The following JAZF1 variants were observed in gnomAD, a reference collection of about 807,000 sequenced individuals.
JAZF1 encodes the protein juxtaposed with another zinc finger protein 1.
Under a neutral mutation model 26.4 loss-of-function variants are expected in JAZF1, and 8 were observed. The observed-to-expected ratio is 0.30, with a 90% confidence interval of 0.18 to 0.55. JAZF1 has a LOEUF of 0.55. Among genes scored for constraint, JAZF1 ranks in the 20% least tolerant of loss-of-function variants. The pLI is 0.94. For synonymous variants in JAZF1, 126 were observed against 122.3 expected (o/e 1.03, Z -0.20); for missense variants, 199 against 322.0 (o/e 0.62, Z 2.92).
chr7:28,083,767 CA>C (rs1482058587), intron 1 of JAZF1, among the ~76,000 whole-genome samples: 1 of 151,882 alleles, frequency 6.6e-6, no homozygotes, highest in Non-Finnish European at 1.5e-5. Context: ...TCCGCTGACC[CA>C]GCCAGTAAAA....
chr7:28,069,913 C>T (rs940362159), intron 1 of JAZF1, among the ~76,000 whole-genome samples: 2 of 152,174 alleles, frequency 1.3e-5, no homozygotes, highest in African/African-American at 4.8e-5. Flanking sequence ...GAGCTCGTTA[C>T]TCCCCTGACC....
At chr7:28,074,384 C>A (rs1382124304) in intron 1 of JAZF1, among the ~76,000 whole-genome samples, 1 of 152,078 alleles carries the variant, frequency 6.6e-6, no homozygotes, top group African/African-American at 2.4e-5. Context: ...AAAAAGCCAA[C>A]AGGAAAGCAG....
intron 2 of JAZF1, among the ~76,000 whole-genome samples, chr7:27,904,005 A>T (rs1267047251): frequency 6.6e-6 from 1 of 152,210 alleles, no homozygotes; most frequent in Non-Finnish European, 1.5e-5. Context: ...AAATCTGGTA[A>T]TTCATTGCTC....
chr7:28,081,985 G>T (rs1784144431), intron 1 of JAZF1, among the ~76,000 whole-genome samples: 1 of 151,934 alleles, frequency 6.6e-6, no homozygotes, highest in Non-Finnish European at 1.5e-5. Flanking sequence ...AATATTAAGG[G>T]GCTAAATAAG....
intron 2 of JAZF1, among the ~76,000 whole-genome samples, chr7:27,964,842 C>G (rs1279525659): frequency 8.6e-5 from 13 of 151,944 alleles, no homozygotes; most frequent in Admixed American, 8.5e-4. Flanking sequence ...CTAAAATGGT[C>G]AAACTAATCT....
At chr7:28,126,700 G>A (rs1219138309) in intron 1 of JAZF1, among the ~76,000 whole-genome samples, 2 of 152,190 alleles carry the variant, frequency 1.3e-5, no homozygotes, top group African/African-American at 4.8e-5. Flanking sequence ...ACCTTACGGT[G>A]TTTCAGGGAC....
At chr7:27,931,472 T>G (rs1784687463) in intron 2 of JAZF1, among the ~76,000 whole-genome samples, 1 of 152,186 alleles carries the variant, frequency 6.6e-6, no homozygotes, top group South Asian at 2.1e-4. Flanking sequence ...ATGTGGGAAT[T>G]TGGGATACCT....
rs117767296 is a variant in JAZF1 at position 28,014,632 on chromosome 7, G to A, written c.116-22651C>T. ...ATGATTGTGAGACTTCCCCAGTCAC[G>A]TGAAACTGTAAGTTCATTAAACCTC... On this transcript the variant is annotated intron_variant, in intron 1 of 4. Coordinates refer to ENST00000283928, the MANE Select transcript of JAZF1 (RefSeq NM_175061.4). Among the ~76,000 whole-genome samples the A allele has an allele frequency of 5.2e-3, 792 of 152,272 alleles. 4 individuals are homozygous for A. The highest frequency in any genetic ancestry group is 0.014 in the Middle Eastern group (4 of 294).
chr7:28,065,362 G>A (rs1426403664), intron 1 of JAZF1, among the ~76,000 whole-genome samples: 2 of 151,108 alleles, frequency 1.3e-5, no homozygotes, highest in African/African-American at 2.4e-5. Context: ...GCGAGGTGAG[G>A]GAATGGAAGA....
At chr7:27,876,646 C>T (rs373306977) in intron 3 of JAZF1, among the ~76,000 whole-genome samples, 22 of 152,298 alleles carry the variant, frequency 1.4e-4, no homozygotes, top group African/African-American at 5.3e-4. Flanking sequence ...TAATAATTAG[C>T]TTTGGCAAGC....
chr7:28,048,925 A>G (rs1432000819), intron 1 of JAZF1, among the ~76,000 whole-genome samples: 2 of 152,040 alleles, frequency 1.3e-5, no homozygotes, highest in African/African-American at 4.8e-5. Context: ...CCATGTTTCT[A>G]TTTATACGAA....
chr7:28,096,666 G>T (rs1784390984), intron 1 of JAZF1, among the ~76,000 whole-genome samples: 1 of 152,094 alleles, frequency 6.6e-6, no homozygotes, highest in South Asian at 2.1e-4. Context: ...GCCAATAAGA[G>T]ACTATTTTTT....
At chr7:27,898,523 T>G (rs1466279317) in intron 2 of JAZF1, among the ~76,000 whole-genome samples, 1 of 152,016 alleles carries the variant, frequency 6.6e-6, no homozygotes, top group Non-Finnish European at 1.5e-5. Context: ...CAGGCTGGTC[T>G]TGAACTACTG....
intron 1 of JAZF1, among the ~76,000 whole-genome samples, chr7:28,157,393 T>G (rs1317181959): frequency 6.6e-6 from 1 of 152,248 alleles, no homozygotes; most frequent in Non-Finnish European, 1.5e-5. Context: ...ACTCTGCCAT[T>G]GCAGCACAAA....
intron 3 of JAZF1, among the ~76,000 whole-genome samples, chr7:27,878,369 A>G (rs933358689): frequency 7.9e-6 from 1 of 126,422 alleles, no homozygotes; most frequent in African/African-American, 2.7e-5. Context: ...CTCAGAAAAC[A>G]TCTAACACAC....
At chr7:27,880,751 A>G (rs1233762247) in intron 3 of JAZF1, among the ~76,000 whole-genome samples, 3 of 152,138 alleles carry the variant, frequency 2.0e-5, no homozygotes, top group Admixed American at 1.3e-4. Context: ...TGCAGCCTCA[A>G]TCTCCCAGGC....
intron 3 of JAZF1, among the ~76,000 whole-genome samples, chr7:27,853,228 C>T (rs1783184021): frequency 6.6e-6 from 1 of 152,162 alleles, no homozygotes; most frequent in African/African-American, 2.4e-5. Context: ...TTCCCTCCTC[C>T]CAGAAGAATT....
intron 1 of JAZF1, among the ~76,000 whole-genome samples, chr7:28,169,233 G>C (rs755343492): frequency 6.6e-6 from 1 of 152,192 alleles, no homozygotes; most frequent in African/African-American, 2.4e-5. Flanking sequence ...TCTGTGTGAT[G>C]TTTGCATATT....
chr7:28,096,274 G>A (rs898839635), intron 1 of JAZF1, among the ~76,000 whole-genome samples: 1 of 152,158 alleles, frequency 6.6e-6, no homozygotes, highest in African/African-American at 2.4e-5. Context: ...CTGTGGTGAG[G>A]AAAAAACTAT....
Sources: allele counts gnomAD v4.1 joint callset (sites outside exome capture counted in the v4.1 genomes callset), GRCh38; gene constraint gnomAD v4.1.1; transcripts MANE v1.5; gene names NCBI Gene and HGNC (gene_info 2026-07-23, HGNC 2026-07-21).